CDH13: variants seen among roughly 807,000 people sequenced by gnomAD.
CDH13 encodes the protein cadherin 13.
A neutral mutation model predicts 63.8 loss-of-function variants in CDH13; 24 were observed. That is an observed-to-expected ratio of 0.38 (90% CI 0.27 to 0.53). CDH13 has a LOEUF of 0.53. Ranked by LOEUF, CDH13 falls within the 20% of genes least tolerant of loss-of-function variation. The probability of loss-of-function intolerance (pLI) is 0.85; values close to 1 mark genes in which losing one functional copy is unlikely to be tolerated. For synonymous variants in CDH13, 503 were observed against 355.3 expected, an observed-to-expected ratio of 1.42 and a Z score of -4.67; for missense variants, 1,049 against 903.1, an observed-to-expected ratio of 1.16 and a Z score of -2.07.
chr16:83,758,251 CA>C (rs1275233521), intron 11 of CDH13, among the ~76,000 whole-genome samples: 2 of 151,892 alleles, frequency 1.3e-5, no homozygotes, highest in Non-Finnish European at 2.9e-5. Context: ...AAGGTTTTTC[CA>C]AAACCTGACA....
intron 2 of CDH13, among the ~76,000 whole-genome samples, chr16:82,898,761 G>A (rs1488387311): frequency 6.6e-6 from 1 of 152,196 alleles, no homozygotes; most frequent in African/African-American, 2.4e-5. Context: ...ATGGAAGGGT[G>A]GAGTAGTGGA....
At chr16:83,140,381 G>A (rs1168246218) in intron 4 of CDH13, among the ~76,000 whole-genome samples, 1 of 152,206 alleles carries the variant, frequency 6.6e-6, no homozygotes, top group Non-Finnish European at 1.5e-5. Flanking sequence ...CTGAGTTTCA[G>A]GGCTTCTAAT....
chr16:82,919,189 G>T (rs1456943956), intron 2 of CDH13, among the ~76,000 whole-genome samples: 3 of 151,906 alleles, frequency 2.0e-5, no homozygotes, highest in Non-Finnish European at 2.9e-5. Context: ...TTACATCTTT[G>T]TCATATGGCA....
At chr16:83,598,811 G>A (rs1907508896) in intron 7 of CDH13, among the ~76,000 whole-genome samples, 1 of 152,094 alleles carries the variant, frequency 6.6e-6, no homozygotes, top group Non-Finnish European at 1.5e-5. Flanking sequence ...TCTTTGTGTG[G>A]TTACAGGTGG....
At chr16:83,679,251 G>A (rs1199789108) in intron 10 of CDH13, among the ~76,000 whole-genome samples, 1 of 152,176 alleles carries the variant, frequency 6.6e-6, no homozygotes, top group Non-Finnish European at 1.5e-5. Context: ...GCCCTCGTTG[G>A]TACATGGTTT....
intron 1 of CDH13, among the ~76,000 whole-genome samples, chr16:82,685,262 G>A (rs1046200327): frequency 2.6e-5 from 4 of 152,148 alleles, no homozygotes; most frequent in African/African-American, 7.2e-5. Context: ...AGATCAAAGC[G>A]CCAACAGATT....
chr16:83,794,918 A>G, intron 13 of CDH13, 105 bp from the exon 14 acceptor site: 1 of 1,054,522 alleles, frequency 9.5e-7, no homozygotes, highest in South Asian at 1.4e-5. Flanking sequence ...GTGATGTTTA[A>G]AATGTGTTTA....
At chr16:82,871,843 C>G (rs1312964343) in intron 2 of CDH13, among the ~76,000 whole-genome samples, 2 of 152,106 alleles carry the variant, frequency 1.3e-5, no homozygotes, top group African/African-American at 4.8e-5. Flanking sequence ...AGAGGGTTTC[C>G]CTCCAAGATG....
At position 82,659,507 on chromosome 16, in the gene CDH13, C is replaced by T. The variant is rs185849769; in HGVS notation, c.45+32370C>T. Among the ~76,000 whole-genome samples, 398 of 152,220 alleles carry T rather than the reference C, an allele frequency of 2.6e-3. 2 individuals are homozygous for T. The highest frequency in any genetic ancestry group is 9.2e-3 in the African/African-American group (384 of 41,536). ...AAATGGAAATTGGAACAAAAAATAA[C>T]GTAAAACCATAAATAACAGAAAAGA... On this transcript the variant is annotated intron_variant, in intron 1 of 13. Coordinates refer to ENST00000567109, the MANE Select transcript of CDH13 (RefSeq NM_001257.5).
chr16:83,508,087 G>GGAAA, intron 7 of CDH13, among the ~76,000 whole-genome samples: 1 of 72,084 alleles, frequency 1.4e-5, no homozygotes, highest in Non-Finnish European at 2.9e-5. Context: ...AAGGAAGGAA[G>GGAAA]GAAGGAAGGA....
At chr16:83,074,085 C>A (rs1442664097) in intron 3 of CDH13, among the ~76,000 whole-genome samples, 2 of 152,134 alleles carry the variant, frequency 1.3e-5, no homozygotes, top group African/African-American at 2.4e-5. Context: ...ATTAAAACTT[C>A]TTCCTTCTGT....
chr16:82,817,978 C>G (rs2037805884), intron 1 of CDH13, among the ~76,000 whole-genome samples: 1 of 152,030 alleles, frequency 6.6e-6, no homozygotes, highest in African/African-American at 2.4e-5. Context: ...TACACACATA[C>G]ATTTTTATAG....
chr16:82,740,902 G>A (rs2033897174), intron 1 of CDH13, among the ~76,000 whole-genome samples: 1 of 152,118 alleles, frequency 6.6e-6, no homozygotes, highest in African/African-American at 2.4e-5. Context: ...TTCGATCACA[G>A]CTGCTTTGTT....
intron 6 of CDH13, among the ~76,000 whole-genome samples, chr16:83,447,789 A>G (rs1421434364): frequency 1.3e-5 from 2 of 150,096 alleles, no homozygotes; most frequent in Non-Finnish European, 3.0e-5. Context: ...TTTATAATTT[A>G]TAATGATTTA....
chr16:82,709,849 T>A (rs2031776861), intron 1 of CDH13, among the ~76,000 whole-genome samples: 1 of 151,944 alleles, frequency 6.6e-6, no homozygotes, highest in Non-Finnish European at 1.5e-5. Flanking sequence ...AGATTTCAGA[T>A]CAACAAAGAA....
At chr16:83,319,505 G>T (rs565873551) in intron 5 of CDH13, among the ~76,000 whole-genome samples, 3 of 152,274 alleles carry the variant, frequency 2.0e-5, no homozygotes, top group South Asian at 2.1e-4. Flanking sequence ...AAAACAGGCC[G>T]AATTGAATAT....
At chr16:82,672,305 C>T (rs925116303) in intron 1 of CDH13, among the ~76,000 whole-genome samples, 2 of 152,158 alleles carry the variant, frequency 1.3e-5, no homozygotes, top group African/African-American at 4.8e-5. Context: ...CTCATTATTA[C>T]TCCTTGATAG....
At chr16:82,756,918 G>A (rs2034632784) in intron 1 of CDH13, among the ~76,000 whole-genome samples, 1 of 152,182 alleles carries the variant, frequency 6.6e-6, no homozygotes. Context: ...TGAGGGCCAG[G>A]ATTTGGGTCT....
chr16:82,758,503 T>C (rs946157447), intron 1 of CDH13, among the ~76,000 whole-genome samples: 10 of 152,018 alleles, frequency 6.6e-5, no homozygotes, highest in African/African-American at 2.4e-4. Context: ...CTCCCACTAG[T>C]TCAAGTTTCT....
Sources: allele counts gnomAD v4.1 joint callset (sites outside exome capture counted in the v4.1 genomes callset), GRCh38; gene constraint gnomAD v4.1.1; transcripts MANE v1.5; gene names NCBI Gene and HGNC (gene_info 2026-07-23, HGNC 2026-07-21).